Variants in SEMA5A observed in about 807,000 individuals in gnomAD.
SEMA5A encodes semaphorin 5A.
A neutral mutation model predicts 135.5 loss-of-function variants in SEMA5A; 55 were observed. The observed-to-expected ratio is 0.41, with a 90% CI of 0.33 to 0.51. The LOEUF (loss-of-function observed/expected upper bound fraction) is 0.51. Ranked by LOEUF, SEMA5A falls within the 20% of genes least tolerant of loss-of-function variation. SEMA5A has a pLI of 0.37. For synonymous variants in SEMA5A, 580 were observed against 546.5 expected (o/e 1.06, Z -0.85); for missense variants, 1,290 against 1,419.9 (o/e 0.91, Z 1.47).
intron 5 of SEMA5A, among the ~76,000 whole-genome samples, chr5:9,317,140 T>C (rs12655979): frequency 0.067 from 10,232 of 152,242 alleles, 784 homozygotes; most frequent in African/African-American, 0.18. Flanking sequence ...ATTCATAATT[T>C]TACCACTCAA....
chr5:9,382,127 C>T (rs1326172269), intron 2 of SEMA5A, among the ~76,000 whole-genome samples: 1 of 151,918 alleles, frequency 6.6e-6, no homozygotes, highest in Non-Finnish European at 1.5e-5. Context: ...GAGATTTCGT[C>T]TCTACAAAAA....
intron 16 of SEMA5A, among the ~76,000 whole-genome samples, chr5:9,087,137 C>T (rs1738741702): frequency 6.6e-6 from 1 of 152,156 alleles, no homozygotes; most frequent in Non-Finnish European, 1.5e-5. Flanking sequence ...TCCTTGCTAC[C>T]AGGTATGGGT....
intron 1 of SEMA5A, among the ~76,000 whole-genome samples, chr5:9,479,733 C>T (rs1056081664): frequency 6.6e-6 from 1 of 152,160 alleles, no homozygotes; most frequent in African/African-American, 2.4e-5. Context: ...TTTGCTATTT[C>T]CCCATCAAGA....
intron 13 of SEMA5A, among the ~76,000 whole-genome samples, chr5:9,135,552 CT>C (rs1188413783): frequency 1.3e-5 from 2 of 151,996 alleles, no homozygotes; most frequent in Non-Finnish European, 2.9e-5. Flanking sequence ...AGGGTAAGTT[CT>C]TTGGTGGGAA....
At chr5:9,196,269 T>C (rs1263356303) in intron 10 of SEMA5A, among the ~76,000 whole-genome samples, 1 of 152,104 alleles carries the variant, frequency 6.6e-6, no homozygotes, top group Non-Finnish European at 1.5e-5. Flanking sequence ...TGGTAGTAAA[T>C]GAGGGTAAGT....
chr5:9,475,275 G>A (rs1170738671), intron 1 of SEMA5A, among the ~76,000 whole-genome samples: 4 of 152,302 alleles, frequency 2.6e-5, no homozygotes, highest in African/African-American at 9.6e-5. Context: ...GGCCTTTGTG[G>A]TCCACCGTGT....
At chr5:9,162,472 ATGTGTG>A (rs751065453) in intron 11 of SEMA5A, among the ~76,000 whole-genome samples, 12 of 24,536 alleles carry the variant, frequency 4.9e-4, no homozygotes, top group African/African-American at 1.7e-3. Flanking sequence ...GTGTATATAT[ATGTGTG>A]TGTGTATATA....
At chr5:9,381,942 T>TGTGTG (rs1755628173) in intron 2 of SEMA5A, among the ~76,000 whole-genome samples, 6 of 109,304 alleles carry the variant, frequency 5.5e-5, no homozygotes, top group African/African-American at 1.8e-4. Context: ...TAGAATCATT[T>TGTGTG]TGTGTGTGTG....
At chr5:9,356,545 C>A (rs949098120) in intron 3 of SEMA5A, among the ~76,000 whole-genome samples, 9 of 152,166 alleles carry the variant, frequency 5.9e-5, no homozygotes, top group Admixed American at 3.3e-4. Context: ...AGAACCCCCA[C>A]CAAGTTCAAA....
intron 11 of SEMA5A, among the ~76,000 whole-genome samples, chr5:9,175,762 T>A (rs1744169575): frequency 6.6e-6 from 1 of 152,242 alleles, no homozygotes; most frequent in East Asian, 1.9e-4. Flanking sequence ...TTTCTCCCTT[T>A]AAATAGGAAC....
At chr5:9,202,368 T>C (rs1408110987) in intron 8 of SEMA5A, 128 bp from the exon 9 acceptor site, 24 of 890,854 alleles carry the variant, frequency 2.7e-5, no homozygotes, top group South Asian at 5.3e-5. Context: ...TATAGGACTA[T>C]TGGGAGGCCC....
intron 2 of SEMA5A, among the ~76,000 whole-genome samples, chr5:9,407,414 G>A (rs1756930002): frequency 6.6e-6 from 1 of 152,208 alleles, no homozygotes; most frequent in Non-Finnish European, 1.5e-5. Context: ...TCAAAAATCA[G>A]TTATATAATG....
chr5:9,207,102 G>GTATATACATATATA (rs1554003339), intron 8 of SEMA5A, among the ~76,000 whole-genome samples: 6 of 97,680 alleles, frequency 6.1e-5, no homozygotes, highest in Non-Finnish European at 1.2e-4. Flanking sequence ...ATGATCAAGT[G>GTATATACATATATA]TATATATATA....
chr5:9,058,356 A>G (rs1276574827), intron 18 of SEMA5A, among the ~76,000 whole-genome samples: 1 of 152,090 alleles, frequency 6.6e-6, no homozygotes, highest in Non-Finnish European at 1.5e-5. Context: ...AGCACAGGTT[A>G]GGGCTTCCCA....
intron 1 of SEMA5A, among the ~76,000 whole-genome samples, chr5:9,448,662 C>A (rs764495433): frequency 6.6e-6 from 1 of 152,218 alleles, no homozygotes. Context: ...AAATCCAGAT[C>A]TCTGTAATTC....
At chr5:9,173,740 G>C (rs972864249) in intron 11 of SEMA5A, among the ~76,000 whole-genome samples, 2 of 152,164 alleles carry the variant, frequency 1.3e-5, no homozygotes, top group South Asian at 2.1e-4. Flanking sequence ...TTAATGACAG[G>C]CTCCTTTGAT....
At chr5:9,496,636 G>T (rs1735317436) in intron 1 of SEMA5A, among the ~76,000 whole-genome samples, 1 of 151,968 alleles carries the variant, frequency 6.6e-6, no homozygotes. Context: ...GATGTGGCAG[G>T]GTCAAAATTT....
At chr5:9,220,120 C>T (rs928126047) in intron 8 of SEMA5A, among the ~76,000 whole-genome samples, 7 of 152,134 alleles carry the variant, frequency 4.6e-5, no homozygotes, top group Non-Finnish European at 7.3e-5. Flanking sequence ...AACCAAATAT[C>T]GTGTGTTCTT....
intron 21 of SEMA5A, chr5:9,046,086 C>T (rs1181335672): frequency 6.6e-6 from 1 of 152,312 alleles, no homozygotes; most frequent in African/African-American, 2.4e-5. Flanking sequence ...TTATCTTCCT[C>T]TGTGTTGTTA....
Sources: allele counts gnomAD v4.1 joint callset (sites outside exome capture counted in the v4.1 genomes callset), GRCh38; gene constraint gnomAD v4.1.1; transcripts MANE v1.5; gene names NCBI Gene and HGNC (gene_info 2026-07-23, HGNC 2026-07-21).